The following DENND4A variants were observed in gnomAD, a reference collection of about 807,000 sequenced individuals.
The protein encoded by DENND4A is DENN domain containing 4A, also known as C-myc promoter-binding protein.
Under a neutral mutation model 199.3 loss-of-function variants are expected in DENND4A, and 70 were observed. That is an observed-to-expected ratio of 0.35 (90% CI 0.29 to 0.43). The LOEUF (loss-of-function observed/expected upper bound fraction) is 0.43, where lower values mean the gene tolerates loss of function less well. DENND4A is among the 20% of genes least tolerant of loss of function. The pLI is 1.00. For missense variants in DENND4A, 1,723 were observed against 2,255.8 expected, an observed-to-expected ratio of 0.76 and a Z score of 4.78; for synonymous variants, 686 against 766.9, an observed-to-expected ratio of 0.89 and a Z score of 1.74.
intron 1 of DENND4A, among the ~76,000 whole-genome samples, chr15:65,784,417 T>C (rs538689739): frequency 3.9e-4 from 59 of 150,872 alleles, no homozygotes; most frequent in Admixed American, 7.9e-4. Flanking sequence ...AACATTGAAA[T>C]GTCAGACACT....
intron 21 of DENND4A, 56 bp downstream of exon 21, chr15:65,697,210 AT>A: frequency 9.1e-7 from 1 of 1,101,290 alleles, no homozygotes. Context: ...AATCACCTGC[AT>A]TTTCTATGAA....
At chr15:65,750,088 G>T (rs994497506) in intron 4 of DENND4A, among the ~76,000 whole-genome samples, 1 of 151,388 alleles carries the variant, frequency 6.6e-6, no homozygotes, top group African/African-American at 2.5e-5. Context: ...AACTGATAAC[G>T]ATAGAAAAAA....
chr15:65,700,986 TA>T, intron 19 of DENND4A, 64 bp downstream of exon 19: 1 of 1,503,814 alleles, frequency 6.6e-7, no homozygotes, highest in Non-Finnish European at 8.9e-7. Context: ...TTAAAATTTC[TA>T]AAAATGTAAA....
chr15:65,707,771 C>T (rs1043528350), intron 14 of DENND4A, among the ~76,000 whole-genome samples: 2 of 151,780 alleles, frequency 1.3e-5, no homozygotes, highest in Admixed American at 6.6e-5. Flanking sequence ...CCAGCACCAC[C>T]GCCTCCCAGG....
intron 14 of DENND4A, among the ~76,000 whole-genome samples, chr15:65,709,719 A>AAAAAAAAAAATATATAT (rs1218030026): frequency 7.8e-5 from 4 of 51,474 alleles, no homozygotes; most frequent in Non-Finnish European, 9.4e-5. Flanking sequence ...AAAAAAAAAA[A>AAAAAAAAAAATATATAT]ATATATATAT....
chr15:65,773,310 T>C (rs2077191644), intron 1 of DENND4A, among the ~76,000 whole-genome samples: 1 of 152,220 alleles, frequency 6.6e-6, no homozygotes, highest in Non-Finnish European at 1.5e-5. Flanking sequence ...ATGGTACCTC[T>C]ACCATGTGGT....
At chr15:65,779,290 T>C (rs562599472) in intron 1 of DENND4A, among the ~76,000 whole-genome samples, 2 of 151,768 alleles carry the variant, frequency 1.3e-5, no homozygotes, top group South Asian at 4.2e-4. Flanking sequence ...ACCCCGTCTC[T>C]ACTAAAAATA....
chr15:65,770,091 C>T (rs998303467), intron 1 of DENND4A, among the ~76,000 whole-genome samples: 3 of 152,106 alleles, frequency 2.0e-5, no homozygotes, highest in African/African-American at 4.8e-5. Flanking sequence ...ACCTGCTGCT[C>T]TATTTCTGCT....
intron 14 of DENND4A, among the ~76,000 whole-genome samples, chr15:65,712,711 T>C (rs962186060): frequency 2.0e-5 from 3 of 146,568 alleles, no homozygotes; most frequent in African/African-American, 7.4e-5. Context: ...ATGAGTTGTA[T>C]TTTGGCTGTT....
chr15:65,713,104 A>G (rs1174130256), intron 14 of DENND4A, among the ~76,000 whole-genome samples: 1 of 152,162 alleles, frequency 6.6e-6, no homozygotes, highest in Non-Finnish European at 1.5e-5. Context: ...CATTACTACT[A>G]CATACTCCTC....
intron 25 of DENND4A, 51 bp from the exon 26 acceptor site, chr15:65,670,239 G>T: frequency 7.3e-7 from 1 of 1,362,716 alleles, no homozygotes; most frequent in Non-Finnish European, 9.6e-7. Context: ...TTCAGATTAT[G>T]AATTAAAAAC....
At chr15:65,719,880 G>A (rs1016728129) in intron 12 of DENND4A, among the ~76,000 whole-genome samples, 7 of 152,068 alleles carry the variant, frequency 4.6e-5, no homozygotes, top group Non-Finnish European at 1.0e-4. Context: ...GGGTGACACA[G>A]TGAGACACCC....
At chr15:65,673,986 TAAAAA>T (rs1458171483) in intron 24 of DENND4A, among the ~76,000 whole-genome samples, 2 of 152,044 alleles carry the variant, frequency 1.3e-5, no homozygotes, top group Non-Finnish European at 2.9e-5. Flanking sequence ...TCTTGTATGT[TAAAAA>T]AGAAAAGAAG....
At chr15:65,789,233 T>C (rs1415855931) in intron 1 of DENND4A, among the ~76,000 whole-genome samples, 1 of 152,102 alleles carries the variant, frequency 6.6e-6, no homozygotes, top group African/African-American at 2.4e-5. Flanking sequence ...GTTGCCCAGG[T>C]TGGAGTGCAG....
rs754409135 is a variant in DENND4A, at chr15:65,701,178, A to G, written c.2574T>C (p.Ser858=). The G allele has an allele frequency of 6.3e-7, 1 of 1,585,378 alleles. No individual in the cohort carries two copies. Among genetic ancestry groups the G allele is most frequent in the Non-Finnish European group, 8.5e-7 (1 of 1,171,504 alleles). The change falls in exon 19 of 33, where the codon AGT becomes AGC. Residue 858 remains serine (S), a synonymous_variant. Coordinates refer to ENST00000443035, the MANE Select transcript of DENND4A (RefSeq NM_001320835.1). ...CACTACGACTTCTTGAAGGCCAGGT[A>G]CTTTCCAAAACAGCCTATTCATTCA... ...YGYYNKAVLE[S]TWPSRSRSGY...
intron 1 of DENND4A, among the ~76,000 whole-genome samples, chr15:65,788,589 G>C (rs1005476460): frequency 6.6e-6 from 1 of 151,766 alleles, no homozygotes; most frequent in South Asian, 2.1e-4. Context: ...AGTAATAACC[G>C]GCCAGGTGCA....
chr15:65,695,268 G>A (rs2077105401), intron 22 of DENND4A, among the ~76,000 whole-genome samples: 1 of 152,162 alleles, frequency 6.6e-6, no homozygotes, highest in Non-Finnish European at 1.5e-5. Context: ...CTCTGTCACA[G>A]CTACTCAACT....
rs1038631790 is a variant in DENND4A at position 65,761,391 on chromosome 15, G to A, written c.-54C>T. On this transcript the variant is annotated 5_prime_UTR_variant, in exon 2 of 33. Coordinates refer to ENST00000443035, the MANE Select transcript of DENND4A (RefSeq NM_001320835.1). ...CCGAAAGTTTCTCTCTGAAAAAGATGACAGATTTCAATGTGTGAACTCCGC... is the reference window on the plus strand; with the variant it reads ...CCGAAAGTTTCTCTCTGAAAAAGATAACAGATTTCAATGTGTGAACTCCGC... The A allele has an allele frequency of 4.6e-5, 7 of 152,180 alleles. No individual in the cohort carries two copies. The highest frequency in any genetic ancestry group is 2.0e-4 in the Admixed American group (3 of 15,290). The allele number at this position is 152,180 out of a possible 1,614,324, so 9.4% of individuals were successfully genotyped here.
chr15:65,753,883 G>C (rs1596611141), intron 3 of DENND4A: 1 of 135,722 alleles, frequency 7.4e-6, no homozygotes, highest in South Asian at 2.3e-4. Flanking sequence ...TGCCCAGGCT[G>C]AAGTGCAATG....
Sources: gnomAD v4.1 joint callset for allele counts (sites outside exome capture counted in the v4.1 genomes callset) on GRCh38, gnomAD v4.1.1 for gene constraint, MANE v1.5 for transcripts, NCBI Gene and HGNC (gene_info 2026-07-23, HGNC 2026-07-21) for gene names.